JPH1: variants seen among roughly 807,000 people sequenced by gnomAD.
JPH1 encodes junctophilin 1.
Under a neutral mutation model 53.6 loss-of-function variants are expected in JPH1, and 12 were observed. The observed-to-expected ratio is 0.22, with a 90% confidence interval of 0.14 to 0.36. The LOEUF (loss-of-function observed/expected upper bound fraction) is 0.36. Ranked by LOEUF, JPH1 falls within the 10% of genes least tolerant of loss-of-function variation. The pLI, the probability that JPH1 is intolerant of heterozygous loss-of-function variation, is 1.00. For missense variants in JPH1, 808 were observed against 905.5 expected, an observed-to-expected ratio of 0.89 and a Z score of 1.38; for synonymous variants, 375 against 363.8, an observed-to-expected ratio of 1.03 and a Z score of -0.35.
chr8:74,270,223 T>G (rs994954262), intron 2 of JPH1, among the ~76,000 whole-genome samples: 7 of 152,196 alleles, frequency 4.6e-5, no homozygotes, highest in African/African-American at 1.7e-4. Flanking sequence ...TTAGGTGGTG[T>G]TAAAAATACT....
intron 4 of JPH1, 144 bp from the exon 5 acceptor site, chr8:74,237,447 A>T: frequency 3.1e-6 from 2 of 647,696 alleles, no homozygotes; most frequent in Non-Finnish European, 2.7e-6. Flanking sequence ...GGAAAGGTGT[A>T]GACTAAAAAC....
Position 74,236,954 on chromosome 8 carries a change from G to A in JPH1, c.*97C>T. On this transcript the variant is annotated 3_prime_UTR_variant, in exon 6 of 6. Transcript: ENST00000342232. ...AGCCTCCTTCCCTGTGTCTGAGTCT[G>A]CCTGGGGTGGGCCATTTAAAGGGCT... 1 of 321,316 alleles carries A rather than the reference G, an allele frequency of 3.1e-6. No individual in the cohort carries two copies. Among genetic ancestry groups the A allele is most frequent in the East Asian group, 6.1e-5 (1 of 16,408 alleles). 19.9% of individuals were successfully genotyped at this position (321,316 alleles called of 1,614,324 possible). A position where few individuals can be genotyped will look rare whatever the true frequency, so the allele number is the denominator to read the frequency against.
chr8:74,320,859 C>A lies in JPH1; in HGVS notation c.379+50G>T. ...CCGCTTCCCCGCAGCCGGGGCAGAG[C>A]CCACCGCACCAGCTCGCGGAGCAGC... On this transcript the variant is annotated intron_variant, in intron 1 of 5. Coordinates refer to ENST00000342232, the MANE Select transcript of JPH1 (RefSeq NM_020647.4). The surrounding 1 kb of genome is among the most constrained non-coding windows in gnomAD (Gnocchi z 4.4). 5 of 1,462,232 alleles carry A rather than the reference C, an allele frequency of 3.4e-6. No individual in the cohort carries two copies. The highest frequency in any genetic ancestry group is 4.5e-6 in the Non-Finnish European group (5 of 1,109,652). 90.6% of individuals were successfully genotyped at this position (1,462,232 alleles called of 1,614,324 possible). A position where few individuals can be genotyped will look rare whatever the true frequency, so the allele number is the denominator to read the frequency against.
At position 74,315,490 on chromosome 8, in the gene JPH1, C is replaced by A. The variant is rs1457446944; in HGVS notation, c.510G>T (p.Gln170His). Residue 170 changes from glutamine (Q) to histidine (H), a missense_variant, in exon 2 of 6, where the codon CAG becomes CAT. Gln to His is a conservative substitution (Grantham distance 24). Coordinates refer to ENST00000342232, the MANE Select transcript of JPH1 (RefSeq NM_020647.4). The surrounding 1 kb of genome is among the most constrained non-coding windows in gnomAD (Gnocchi z 6.3). ...RTSLASLRSE[Q>H]SNGSVLHDAA... The stretch of plus-strand genomic sequence containing the variant: ...CGTCGTGGAGCACGCTGCCATTGCT[C>A]TGCTCGCTGCGCAGCGAGGCCAGCG... The A allele has an allele frequency of 1.2e-6, 2 of 1,606,592 alleles. No individual in the cohort carries two copies. Among genetic ancestry groups the A allele is most frequent in the African/African-American group, 2.7e-5 (2 of 74,788 alleles).
intron 2 of JPH1, among the ~76,000 whole-genome samples, chr8:74,299,110 T>C (rs1357974110): frequency 6.6e-6 from 1 of 152,008 alleles, no homozygotes; most frequent in African/African-American, 2.4e-5. Flanking sequence ...TTCTCCCACC[T>C]GGTAAAATTT....
intron 3 of JPH1, among the ~76,000 whole-genome samples, chr8:74,257,402 A>C (rs1806270335): frequency 6.6e-6 from 1 of 152,170 alleles, no homozygotes; most frequent in African/African-American, 2.4e-5. Context: ...TCTTGTTAAC[A>C]CCTGATAGAA....
intron 2 of JPH1, among the ~76,000 whole-genome samples, chr8:74,288,201 C>T (rs188183436): frequency 6.6e-6 from 1 of 152,278 alleles, no homozygotes; most frequent in Admixed American, 6.5e-5. Flanking sequence ...GGTGGAAAAG[C>T]AGCCCCAGGA....
At chr8:74,318,423 C>T (rs945941401) in intron 1 of JPH1, among the ~76,000 whole-genome samples, 2 of 152,086 alleles carry the variant, frequency 1.3e-5, no homozygotes, top group Non-Finnish European at 2.9e-5. Context: ...GTTAACAAAA[C>T]GTTGTGTTTT....
chr8:74,305,189 A>G (rs1807797093), intron 2 of JPH1, among the ~76,000 whole-genome samples: 1 of 152,256 alleles, frequency 6.6e-6, no homozygotes, highest in African/African-American at 2.4e-5. Context: ...CTAGTCTTGC[A>G]AGCGTCCAGT....
chr8:74,319,583 T>C (rs1026820324), intron 1 of JPH1, among the ~76,000 whole-genome samples: 3 of 152,234 alleles, frequency 2.0e-5, no homozygotes, highest in Non-Finnish European at 4.4e-5. Context: ...AAGATGTCCT[T>C]TTTAGCAAGT....
At chr8:74,302,140 A>G (rs1807701251) in intron 2 of JPH1, among the ~76,000 whole-genome samples, 1 of 152,240 alleles carries the variant, frequency 6.6e-6, no homozygotes, top group Non-Finnish European at 1.5e-5. Context: ...TTTTGTGTGT[A>G]GCCAAAAGGT....
chr8:74,286,324 C>T (rs1045169627), intron 2 of JPH1, among the ~76,000 whole-genome samples: 1 of 152,104 alleles, frequency 6.6e-6, no homozygotes, highest in Non-Finnish European at 1.5e-5. Flanking sequence ...TTATGGGGTA[C>T]AGTGTGATGT....
chr8:74,242,688 C>G (rs569133494), intron 4 of JPH1, among the ~76,000 whole-genome samples: 2 of 152,296 alleles, frequency 1.3e-5, no homozygotes, highest in African/African-American at 4.8e-5. Flanking sequence ...TTAGAATCTT[C>G]GCGTGAAGGT....
chr8:74,272,552 T>C (rs555451679), intron 2 of JPH1, among the ~76,000 whole-genome samples: 1 of 151,460 alleles, frequency 6.6e-6, no homozygotes, highest in Non-Finnish European at 1.5e-5. Context: ...CAGAGTGAAA[T>C]GAAAAGGTTC....
At chr8:74,267,706 A>G (rs542896973) in intron 2 of JPH1, among the ~76,000 whole-genome samples, 1 of 152,306 alleles carries the variant, frequency 6.6e-6, no homozygotes, top group African/African-American at 2.4e-5. Context: ...CCAGAAAGGA[A>G]GCAGGAAATC....
At chr8:74,283,782 T>C (rs1455099122) in intron 2 of JPH1, among the ~76,000 whole-genome samples, 2 of 152,194 alleles carry the variant, frequency 1.3e-5, no homozygotes, top group Non-Finnish European at 2.9e-5. Context: ...TAACATACAC[T>C]GAAAGTGGTA....
At chr8:74,297,235 C>T (rs150191639) in intron 2 of JPH1, among the ~76,000 whole-genome samples, 2 of 152,276 alleles carry the variant, frequency 1.3e-5, no homozygotes, top group Non-Finnish European at 2.9e-5. Flanking sequence ...GATCAGACTC[C>T]GACGGGCAAG....
At chr8:74,240,279 A>G (rs1270207689) in intron 4 of JPH1, among the ~76,000 whole-genome samples, 1 of 151,988 alleles carries the variant, frequency 6.6e-6, no homozygotes, top group Non-Finnish European at 1.5e-5. Flanking sequence ...GTTCTCTTTT[A>G]GTTATTTTAA....
At chr8:74,237,564 C>G (rs1002825569) in intron 4 of JPH1, among the ~76,000 whole-genome samples, 3 of 152,184 alleles carry the variant, frequency 2.0e-5, no homozygotes, top group Non-Finnish European at 4.4e-5. Context: ...CTTCATTCAC[C>G]TCAAAACAAT....
Sources: gnomAD v4.1 joint callset for allele counts (sites outside exome capture counted in the v4.1 genomes callset) on GRCh38, gnomAD v4.1.1 for gene constraint, Gnocchi (gnomAD v3.1) non-coding constraint, MANE v1.5 for transcripts, NCBI Gene and HGNC (gene_info 2026-07-23, HGNC 2026-07-21) for gene names.